PKNOX2: variants seen among roughly 807,000 people sequenced by gnomAD.
The protein encoded by PKNOX2 is PBX/knotted 1 homeobox 2, also known as homeobox protein PKNOX2.
A neutral mutation model predicts 53.1 loss-of-function variants in PKNOX2; 14 were observed. The observed-to-expected ratio is 0.26, with a 90% CI of 0.17 to 0.41. The LOEUF (loss-of-function observed/expected upper bound fraction) is 0.41, where lower values mean the gene tolerates loss of function less well. PKNOX2 is among the 10% of genes least tolerant of loss of function. PKNOX2 has a pLI of 1.00. For synonymous variants in PKNOX2, 257 were observed against 242.8 expected, an observed-to-expected ratio of 1.06 and a Z score of -0.54; for missense variants, 496 against 602.8, an observed-to-expected ratio of 0.82 and a Z score of 1.85.
At chr11:125,271,490 T>A (rs1945785996) in intron 2 of PKNOX2, among the ~76,000 whole-genome samples, 1 of 152,168 alleles carries the variant, frequency 6.6e-6, no homozygotes, top group Admixed American at 6.5e-5. Flanking sequence ...CAAGGCAGAG[T>A]GCATATTTGG....
At chr11:125,251,454 G>A (rs1024996722) in intron 2 of PKNOX2, among the ~76,000 whole-genome samples, 1 of 152,174 alleles carries the variant, frequency 6.6e-6, no homozygotes, top group Non-Finnish European at 1.5e-5. Flanking sequence ...CATTTAAACA[G>A]CTTCTTTTAT....
intron 1 of PKNOX2, among the ~76,000 whole-genome samples, chr11:125,169,827 T>C (rs1431318693): frequency 6.6e-6 from 1 of 152,208 alleles, no homozygotes; most frequent in African/African-American, 2.4e-5. Flanking sequence ...AGGGGCTGAA[T>C]TCCTGCCTTG....
At chr11:125,226,627 T>C (rs1941719821) in intron 1 of PKNOX2, among the ~76,000 whole-genome samples, 1 of 152,072 alleles carries the variant, frequency 6.6e-6, no homozygotes, top group Admixed American at 6.6e-5. Flanking sequence ...CATCTCTTTC[T>C]CTTCCTCCTA....
At chr11:125,344,368 G>A (rs1315432026) in intron 3 of PKNOX2, among the ~76,000 whole-genome samples, 1 of 152,232 alleles carries the variant, frequency 6.6e-6, no homozygotes, top group Non-Finnish European at 1.5e-5. Context: ...CGCTCCTTGG[G>A]ATGGAAATTG....
At chr11:125,400,301 G>T (rs1017473188) in intron 7 of PKNOX2, among the ~76,000 whole-genome samples, 1 of 152,182 alleles carries the variant, frequency 6.6e-6, no homozygotes, top group African/African-American at 2.4e-5. Flanking sequence ...GGCTTCGGGG[G>T]TAAATACGGT....
chr11:125,280,520 C>T lies in PKNOX2; in HGVS notation c.-130+45405C>T, dbSNP rs566930136. 2.6e-5 allele frequency among the ~76,000 whole-genome samples: 4 copies of T among 152,292 alleles called. No homozygotes were observed. In the East Asian group the frequency reaches 7.7e-4, roughly 29 times the overall value. ...GAATCCAAACTGTCAGGGAAGGATG[C>T]ACACAGCCAGTCTACTCAGAAAGAG... On this transcript the variant is annotated intron_variant, in intron 2 of 12. Coordinates refer to ENST00000298282, the MANE Select transcript of PKNOX2 (RefSeq NM_001382323.2).
chr11:125,306,633 A>T (rs79146907), intron 2 of PKNOX2, among the ~76,000 whole-genome samples: 6,327 of 152,298 alleles, frequency 0.042, 244 homozygotes, highest in East Asian at 0.2. Flanking sequence ...TTCAGCTGTA[A>T]CGTTCCTTCG....
intron 7 of PKNOX2, 97 bp from the exon 8 acceptor site, chr11:125,410,099 G>T: frequency 2.7e-6 from 4 of 1,478,552 alleles, no homozygotes; most frequent in Non-Finnish European, 3.6e-6. Context: ...GAGGGAGGGG[G>T]GCAGGCAGGA....
At chr11:125,306,986 C>T (rs750609006) in intron 2 of PKNOX2, among the ~76,000 whole-genome samples, 5 of 152,156 alleles carry the variant, frequency 3.3e-5, no homozygotes, top group African/African-American at 7.2e-5. Flanking sequence ...TCTTCCTCCC[C>T]GTTTCTCCTT....
chr11:125,387,481 T>C (rs1953720586), intron 6 of PKNOX2, among the ~76,000 whole-genome samples: 1 of 152,148 alleles, frequency 6.6e-6, no homozygotes, highest in Non-Finnish European at 1.5e-5. Context: ...CCTCCCATCC[T>C]AGCTCAGCCT....
chr11:125,410,967 C>A, intron 9 of PKNOX2, 91 bp downstream of exon 9: 1 of 1,016,686 alleles, frequency 9.8e-7, no homozygotes, highest in East Asian at 2.5e-5. Context: ...ACACGGGTGA[C>A]TCATTGAATC....
Position 125,207,184 on chromosome 11 carries a change from ATTC to A in PKNOX2, c.-200-27853_-200-27851del, listed in dbSNP as rs890415663. Reference sequence around the variant, plus strand: ...GAAAAATAGGTCTTCTGGAAGATAGATTCTTCTTCTCTCTCTCTCTTTCCCTTC... The same window carrying A: ...GAAAAATAGGTCTTCTGGAAGATAGATTCTTCTCTCTCTCTCTTTCCCTTC... On this transcript the variant is annotated intron_variant, in intron 1 of 12. Transcript: ENST00000298282. Among the ~76,000 whole-genome samples, 5 of 151,830 alleles carry A rather than the reference ATTC, an allele frequency of 3.3e-5. No homozygotes were observed. The South Asian group carries it at 6.3e-4, about 19-fold the overall frequency.
chr11:125,200,182 A>G (rs1938277658), intron 1 of PKNOX2, among the ~76,000 whole-genome samples: 1 of 152,234 alleles, frequency 6.6e-6, no homozygotes. Context: ...AGAGGGCCCC[A>G]CTGCCAAAGC....
At position 125,429,020 on chromosome 11, in the gene PKNOX2, C is replaced by T. The variant is rs1175607611; in HGVS notation, c.945C>T (p.Tyr315=). 6.2e-7 allele frequency: 1 copy of T among 1,613,242 alleles called. No homozygotes were observed. The highest frequency in any genetic ancestry group is 2.2e-5 in the East Asian group (1 of 44,882). Residue 315 remains tyrosine, a synonymous_variant, in exon 11 of 13, where the codon TAC becomes TAT. Transcript: ENST00000298282. ...SWLFQHLMHP[Y]PTEDEKRQIA... is the part of the protein sequence containing the mutation. ...TCCACCTCTCGTTTCAGCACCCCTA[C>T]CCCACGGAGGATGAGAAGAGGCAGA...
chr11:125,327,690 T>C (rs1176681204), intron 2 of PKNOX2, among the ~76,000 whole-genome samples: 1 of 152,198 alleles, frequency 6.6e-6, no homozygotes, highest in Non-Finnish European at 1.5e-5. Flanking sequence ...CCTGGCTCTC[T>C]GTCATGTGAG....
intron 3 of PKNOX2, among the ~76,000 whole-genome samples, chr11:125,348,600 C>G (rs913662962): frequency 6.6e-6 from 1 of 152,230 alleles, no homozygotes; most frequent in Non-Finnish European, 1.5e-5. Context: ...GGGCGGTTGT[C>G]TCTGGGCACA....
In PKNOX2 at chr11:125,222,668, G is replaced by GC. The variant is rs1555120702; in HGVS notation, c.-200-12377_-200-12376insC. Among the ~76,000 whole-genome samples, 6 of 146,170 alleles carry GC rather than the reference G, an allele frequency of 4.1e-5. No homozygotes were observed. The South Asian group carries it at 1.1e-3, about 26-fold the overall frequency. ...GCGTATGTGTGTGCTGTGTATGTGT[G>GC]TGTGTATGTGTGTGCGTATGTGTGT... On this transcript the variant is annotated intron_variant, in intron 1 of 12. Coordinates refer to ENST00000298282, the MANE Select transcript of PKNOX2 (RefSeq NM_001382323.2).
chr11:125,328,921 G>A (rs977171720), intron 2 of PKNOX2, among the ~76,000 whole-genome samples: 3 of 152,218 alleles, frequency 2.0e-5, no homozygotes, highest in Non-Finnish European at 4.4e-5. Flanking sequence ...GGATGTAAAT[G>A]GGTATGACCT....
intron 2 of PKNOX2, chr11:125,287,787 T>G (rs1490885357): frequency 6.6e-6 from 1 of 152,282 alleles, no homozygotes; most frequent in Non-Finnish European, 1.5e-5. Context: ...TGTGACAGAC[T>G]GCTAATGAAA....
Sources: gnomAD v4.1 joint callset for allele counts (sites outside exome capture counted in the v4.1 genomes callset) on GRCh38, gnomAD v4.1.1 for gene constraint, MANE v1.5 for transcripts, NCBI Gene and HGNC (gene_info 2026-07-23, HGNC 2026-07-21) for gene names.